EXO1: variants seen among roughly 807,000 people sequenced by gnomAD.
EXO1 encodes the protein exonuclease 1.
EXO1 carries 69 observed loss-of-function variants against 84.5 expected under a neutral mutation model. The observed-to-expected ratio is 0.82, with a 90% CI of 0.67 to 1.00. The LOEUF is 1.00. Among genes scored for constraint, EXO1 ranks in the 50% least tolerant of loss-of-function variants. The probability of loss-of-function intolerance (pLI) is 0.00; values close to 1 mark genes in which losing one functional copy is unlikely to be tolerated. For missense variants in EXO1, 1,045 were observed against 1,000.7 expected, an observed-to-expected ratio of 1.04 and a Z score of -0.60; for synonymous variants, 373 against 366.1, an observed-to-expected ratio of 1.02 and a Z score of -0.21.
Position 241,852,369 on chromosome 1 carries a change from G to A in EXO1, c.239G>A (p.Cys80Tyr), listed in dbSNP as rs1175923198. The A allele has an allele frequency of 1.9e-6, 3 of 1,588,762 alleles. No individual in the cohort carries two copies. The highest frequency in any genetic ancestry group is 2.2e-5 in the East Asian group (1 of 44,734). Residue 80 changes from cysteine (C) to tyrosine (Y), a missense_variant, in exon 5 of 16, where the codon TGT (cysteine) becomes TAT (tyrosine). Coordinates refer to ENST00000366548, the MANE Select transcript of EXO1 (RefSeq NM_130398.4). ...GIKPILVFDG[C>Y]TLPSKKEVER... is the part of the protein sequence containing the mutation. The stretch of plus-strand genomic sequence containing the variant: ...AAGCCTATTCTCGTATTTGATGGAT[G>A]TACTTTACCTTCTAAAAAGGAAGTA...
In EXO1 at chr1:241,889,738, T is replaced by C. The variant is rs1663275954; in HGVS notation, c.*138T>C. ...TTAAAAATAGAATACATTTTGTATA[T>C]TAACTTTATAATTGGGTTGTGGTTT... On this transcript the variant is annotated 3_prime_UTR_variant, in exon 16 of 16. Transcript: ENST00000366548. 2.3e-6 allele frequency: 2 copies of C among 851,322 alleles called. No individual in the cohort carries two copies. The highest frequency in any genetic ancestry group is 3.9e-6 in the Non-Finnish European group (2 of 517,646). The allele number at this position is 851,322 out of a possible 1,614,324, so 52.7% of individuals were successfully genotyped here.
chr1:241,871,107 G>A lies in EXO1; in HGVS notation c.1268-925G>A, dbSNP rs187863207. Among the ~76,000 whole-genome samples the A allele has an allele frequency of 5.7e-4, 87 of 152,264 alleles. 1 individual carries two copies. The highest frequency in any genetic ancestry group is 2.0e-3 in the African/African-American group (83 of 41,556). ...AAAAAAAAAATGAGGTTAATCTGGT[G>A]TGGCTTCTGAAAGCCTTGTTGGGGA... On this transcript the variant is annotated intron_variant, in intron 11 of 15. Transcript: ENST00000366548.
At chr1:241,856,568 A>G (rs568000090) in intron 6 of EXO1, among the ~76,000 whole-genome samples, 1 of 152,184 alleles carries the variant, frequency 6.6e-6, no homozygotes, top group Non-Finnish European at 1.5e-5. Context: ...TTTCCCCCCA[A>G]GACATTGCTG....
At position 241,872,396 on chromosome 1, in the gene EXO1, G is replaced by A. The variant is rs555200662; in HGVS notation, c.1514+118G>A. 4.3e-4 allele frequency: 485 copies of A among 1,123,056 alleles called. No homozygotes were observed. The African/African-American group carries it at 7.0e-3, about 16-fold the overall frequency. The allele number at this position is 1,123,056 out of a possible 1,614,324, so 69.6% of individuals were successfully genotyped here. A position where few individuals can be genotyped will look rare whatever the true frequency, so the allele number is the denominator to read the frequency against. ...ATACTTTAAGTTCTGGGGTACATGTGCAGAACGTGCAGTTTTGTTACATGG... is the reference window on the plus strand; with the variant it reads ...ATACTTTAAGTTCTGGGGTACATGTACAGAACGTGCAGTTTTGTTACATGG... On this transcript the variant is annotated intron_variant, in intron 12 of 15. Transcript: ENST00000366548.
intron 12 of EXO1, among the ~76,000 whole-genome samples, chr1:241,873,706 T>G (rs1373633637): frequency 6.6e-6 from 1 of 152,188 alleles, no homozygotes; most frequent in African/African-American, 2.4e-5. Flanking sequence ...ATAAAAATCT[T>G]TCCATACAGT....
Position 241,867,056 on chromosome 1 carries a change from G to T in EXO1, c.1267+1G>T, listed in dbSNP as rs1254759272. On this transcript the variant is annotated splice_donor_variant, in intron 11 of 15. Coordinates refer to ENST00000366548, the MANE Select transcript of EXO1 (RefSeq NM_130398.4). LOFTEE classifies it high-confidence loss of function. ...TCCATTGTGAAAAGACCAAGAAGTGGTACGTATTTCAGTTTTGCAAAATGC... is the reference window on the plus strand; with the variant it reads ...TCCATTGTGAAAAGACCAAGAAGTGTTACGTATTTCAGTTTTGCAAAATGC... The T allele has an allele frequency of 1.2e-6, 2 of 1,608,978 alleles. No homozygotes were observed. Among genetic ancestry groups the T allele is most frequent in the Non-Finnish European group, 1.7e-6 (2 of 1,175,480 alleles).
At chr1:241,871,417 T>C (rs1662084299) in intron 11 of EXO1, among the ~76,000 whole-genome samples, 1 of 152,242 alleles carries the variant, frequency 6.6e-6, no homozygotes, top group Non-Finnish European at 1.5e-5. Flanking sequence ...GTGCTGTCTC[T>C]ATGTACTTAC....
chr1:241,879,506 A>G (rs1383289413), intron 13 of EXO1, among the ~76,000 whole-genome samples, 163 bp downstream of exon 13: 1 of 152,198 alleles, frequency 6.6e-6, no homozygotes, highest in Non-Finnish European at 1.5e-5. Flanking sequence ...CATTTGAAGG[A>G]CTTCTCTGTA....
At chr1:241,885,274 C>T in intron 14 of EXO1, 40 bp from the exon 15 acceptor site, 1 of 1,370,090 alleles carries the variant, frequency 7.3e-7, no homozygotes, top group Non-Finnish European at 1.0e-6. Context: ...AAGTTAGTTG[C>T]TTTAACAGAA....
In EXO1 at chr1:241,860,623, T is replaced by C; in HGVS notation, c.863T>C (p.Phe288Ser). 2 of 1,614,070 alleles carry C rather than the reference T, an allele frequency of 1.2e-6. No individual in the cohort carries two copies. Among genetic ancestry groups the C allele is most frequent in the Non-Finnish European group, 1.7e-6 (2 of 1,179,910 alleles). The change falls in exon 9 of 16, where the codon TTT (phenylalanine) becomes TCT (serine). Residue 288 changes from phenylalanine to serine, a missense_variant. Transcript: ENST00000366548. Reference sequence around the variant, plus strand: ...AATACCTTCCTCTATCAGCTAGTTTTTGATCCCATCAAAAGGAAACTTATT... The same window carrying C: ...AATACCTTCCTCTATCAGCTAGTTTCTGATCCCATCAAAAGGAAACTTATT... ...ANNTFLYQLV[F>S]DPIKRKLIPL...
intron 6 of EXO1, among the ~76,000 whole-genome samples, chr1:241,856,245 C>G (rs1416463123): frequency 6.9e-6 from 1 of 145,794 alleles, no homozygotes; most frequent in Non-Finnish European, 1.5e-5. Context: ...TACCTCTTTC[C>G]TCTTTTTTTC....
At chr1:241,850,307 T>C (rs576436017) in intron 3 of EXO1, 102 bp from the exon 4 acceptor site, 23 of 830,434 alleles carry the variant, frequency 2.8e-5, no homozygotes, top group African/African-American at 2.3e-4. Context: ...ACAAACCAAT[T>C]TCTGCATTGG....
At chr1:241,855,938 C>CCG (rs1661002542) in intron 6 of EXO1, among the ~76,000 whole-genome samples, 1 of 152,190 alleles carries the variant, frequency 6.6e-6, no homozygotes, top group Non-Finnish European at 1.5e-5. Context: ...GCGCGCAGCC[C>CCG]CAGTTCTCGC....
intron 4 of EXO1, 24 bp downstream of exon 4, chr1:241,850,610 T>C (rs755755507): frequency 1.9e-6 from 3 of 1,604,058 alleles, no homozygotes; most frequent in Non-Finnish European, 2.6e-6. Context: ...TTATGTTAAT[T>C]CTTTGACAAT....
chr1:241,869,358 A>G (rs1259893193), intron 11 of EXO1, among the ~76,000 whole-genome samples: 1 of 152,232 alleles, frequency 6.6e-6, no homozygotes, highest in African/African-American at 2.4e-5. Context: ...TGCTGAGAGG[A>G]ATATACTAGG....
chr1:241,863,108 T>C (rs1364590231), intron 10 of EXO1, among the ~76,000 whole-genome samples: 1 of 152,174 alleles, frequency 6.6e-6, no homozygotes, highest in Non-Finnish European at 1.5e-5. Context: ...AAGAGAATGC[T>C]TCCTAATAAT....
rs368776946 is a variant in EXO1, at chr1:241,850,594, T to C, written c.161+8T>C. 4.6e-5 allele frequency: 74 copies of C among 1,611,148 alleles called. No individual in the cohort carries two copies. Among genetic ancestry groups the C allele is most frequent in the Non-Finnish European group, 5.9e-5 (70 of 1,178,318 alleles). Reference sequence around the variant, plus strand: ...AGGTGAACCTACTGATAGGTAAGTCTGGACCTTATGTTAATTCTTTGACAA... The same window carrying C: ...AGGTGAACCTACTGATAGGTAAGTCCGGACCTTATGTTAATTCTTTGACAA... On this transcript the variant is annotated splice_region_variant and intron_variant, in intron 4 of 15. Transcript: ENST00000366548.
intron 8 of EXO1, 105 bp from the exon 9 acceptor site, chr1:241,860,412 G>T (rs1247714251): frequency 4.4e-6 from 4 of 903,384 alleles, no homozygotes; most frequent in Non-Finnish European, 7.3e-6. Context: ...GATGAAAGCA[G>T]TTAATGTTTC....
At chr1:241,869,905 C>A (rs942402224) in intron 11 of EXO1, among the ~76,000 whole-genome samples, 12 of 152,068 alleles carry the variant, frequency 7.9e-5, no homozygotes, top group Middle Eastern at 3.4e-3. Context: ...CCTCCATCTC[C>A]TGGGTTTGAG....
Sources: allele counts gnomAD v4.1 joint callset (sites outside exome capture counted in the v4.1 genomes callset), GRCh38; gene constraint gnomAD v4.1.1; transcripts MANE v1.5; gene names NCBI Gene and HGNC (gene_info 2026-07-23, HGNC 2026-07-21).